TGIF1: variants seen among roughly 807,000 people sequenced by gnomAD.
The protein encoded by TGIF1 is homeobox protein TGIF1.
TGIF1 carries 4 observed loss-of-function variants against 19.3 expected under a neutral mutation model. That is an observed-to-expected ratio of 0.21 (90% CI 0.10 to 0.47). The LOEUF (loss-of-function observed/expected upper bound fraction) is 0.47, where lower values mean the gene tolerates loss of function less well. Ranked by LOEUF, TGIF1 falls within the 20% of genes least tolerant of loss-of-function variation. The pLI is 0.98. For missense variants in TGIF1, 275 were observed against 341.4 expected (o/e 0.81, Z 1.53); for synonymous variants, 122 against 129.3 (o/e 0.94, Z 0.38).
intron 2 of TGIF1, among the ~76,000 whole-genome samples, chr18:3,445,052 C>G (rs780731226): frequency 2.0e-5 from 3 of 152,182 alleles, no homozygotes; most frequent in Non-Finnish European, 4.4e-5. Context: ...ACTAAATATC[C>G]TACAATGCAC....
chr18:3,447,515 T>C, upstream of TGIF1: 1 of 623,476 alleles, frequency 1.6e-6, no homozygotes, highest in Admixed American at 2.6e-5. Flanking sequence ...AAGCCCACTT[T>C]TTTGAGGCTG....
At position 3,457,527 on chromosome 18, in the gene TGIF1, C is replaced by G; in HGVS notation, c.406C>G (p.Leu136Val). 1.2e-6 allele frequency: 2 copies of G among 1,614,200 alleles called. No individual in the cohort carries two copies. Among genetic ancestry groups the G allele is most frequent in the Non-Finnish European group, 1.7e-6 (2 of 1,180,048 alleles). ...GGGCATCAAAAACTTCATGCCAGCT[C>G]TAGAGGAGACCCCATTTCATTCCTG... Reference protein sequence around the residue: ...VMGIKNFMPALEETPFHSCTA... With the variant: ...VMGIKNFMPAVEETPFHSCTA... Residue 136 changes from leucine (L) to valine (V), a missense_variant, in exon 3 of 3, where the codon CTA becomes GTA. Coordinates refer to ENST00000343820, the MANE Select transcript of TGIF1 (RefSeq NM_003244.4). This position sits in a 1 kb window ranked among gnomAD's most constrained non-coding sequence, Gnocchi z 4.9.
At chr18:3,455,730 A>G (rs1309207554) in intron 1 of TGIF1, 2 of 156,780 alleles carry the variant, frequency 1.3e-5, no homozygotes, top group Non-Finnish European at 2.8e-5. Flanking sequence ...GTGGATAGCA[A>G]TGAATAAGAA....
At chr18:3,421,084 G>A (rs1225430517) in intron 2 of TGIF1, among the ~76,000 whole-genome samples, 4 of 151,996 alleles carry the variant, frequency 2.6e-5, no homozygotes, top group African/African-American at 9.7e-5. Context: ...GCCTTGTGAC[G>A]TCAAAGCTGT....
chr18:3,458,645 T>G lies in TGIF1; in HGVS notation c.*705T>G, dbSNP rs1465318958. On this transcript the variant is annotated 3_prime_UTR_variant, in exon 3 of 3. Coordinates refer to ENST00000343820, the MANE Select transcript of TGIF1 (RefSeq NM_003244.4). ...GCTTTACTTAAACTGCATGGCAAAT[T>G]GAAATGAATCATTTTAGTGTTTAGC... 6.5e-6 allele frequency: 1 copy of G among 153,084 alleles called. No homozygotes were observed. The highest frequency in any genetic ancestry group is 1.5e-5 in the Non-Finnish European group (1 of 68,756). 9.5% of individuals were successfully genotyped at this position (153,084 alleles called of 1,614,324 possible). A position where few individuals can be genotyped will look rare whatever the true frequency, so the allele number is the denominator to read the frequency against.
intron 2 of TGIF1, among the ~76,000 whole-genome samples, chr18:3,422,685 T>TG (rs1353688388): frequency 0.013 from 1,645 of 125,034 alleles, 126 homozygotes; most frequent in African/African-American, 0.045. Context: ...TTTTTTTTTT[T>TG]TTTTTTTTTT....
chr18:3,451,590 T>A lies in TGIF1; in HGVS notation c.16+1085T>A. ...CCGGGAGCCGCCTGGAGTTTGGAAC[T>A]CCACATTCTTTCAGACCCGGCCCGC... On this transcript the variant is annotated intron_variant, in intron 1 of 2. Coordinates refer to ENST00000343820, the MANE Select transcript of TGIF1 (RefSeq NM_003244.4). The surrounding 1 kb of genome is among the most constrained non-coding windows in gnomAD (Gnocchi z 5.4). 2.9e-6 allele frequency: 3 copies of A among 1,039,526 alleles called. No individual in the cohort carries two copies. The highest frequency in any genetic ancestry group is 3.5e-6 in the Non-Finnish European group (3 of 865,860). The allele number at this position is 1,039,526 out of a possible 1,614,324, so 64.4% of individuals were successfully genotyped here.
At chr18:3,416,653 G>A (rs1176320197) in intron 1 of TGIF1, among the ~76,000 whole-genome samples, 4 of 151,928 alleles carry the variant, frequency 2.6e-5, no homozygotes, top group Admixed American at 1.3e-4. Context: ...TAATAAGGCC[G>A]GGCTGGGTGG....
intron 2 of TGIF1, among the ~76,000 whole-genome samples, chr18:3,419,559 ATGTTGATCTTCTTTT>A (rs567024807): frequency 2.6e-5 from 4 of 152,240 alleles, no homozygotes; most frequent in East Asian, 1.9e-4. Flanking sequence ...AGTCTTTTTT[ATGTTGATCTTCTTTT>A]TGTTGATCTT....
In TGIF1 at chr18:3,459,761, A is replaced by C. The variant is rs2049463875; in HGVS notation, c.*1821A>C. On this transcript the variant is annotated 3_prime_UTR_variant, in exon 3 of 3. Transcript: ENST00000343820. Reference sequence around the variant, plus strand: ...AAAAGAAAAACTGTAAGTCACCTTAAATTCCCTATGTTTTACTTCATTTTT... The same window carrying C: ...AAAAGAAAAACTGTAAGTCACCTTACATTCCCTATGTTTTACTTCATTTTT... 6.6e-6 allele frequency: 1 copy of C among 152,204 alleles called. No individual in the cohort carries two copies. Among genetic ancestry groups the C allele is most frequent in the Non-Finnish European group, 1.5e-5 (1 of 68,036 alleles). The allele number at this position is 152,204 out of a possible 1,614,324, so 9.4% of individuals were successfully genotyped here.
In TGIF1 at chr18:3,427,879, C is replaced by T. The variant is rs752544359; in HGVS notation, c.-45+9664C>T. 2.0e-5 allele frequency among the ~76,000 whole-genome samples: 3 copies of T among 152,144 alleles called. No homozygotes were observed. The East Asian group carries it at 5.8e-4, about 29-fold the overall frequency. On this transcript the variant is annotated intron_variant, in intron 2 of 3. Transcript: ENST00000401449. ...CCTCCCAAAGGGATGGGATTATAGG[C>T]GTGAACCACCACACCCGGCCTCAGA...
upstream of TGIF1, among the ~76,000 whole-genome samples, chr18:3,447,340 A>T (rs1255935485): frequency 2.9e-4 from 13 of 45,148 alleles, no homozygotes; most frequent in Non-Finnish European, 5.7e-4. Flanking sequence ...TATATACTTT[A>T]AAAAAAAAAA....
In TGIF1 at chr18:3,451,155, G is replaced by A. The variant is rs1386794233; in HGVS notation, c.16+650G>A. On this transcript the variant is annotated intron_variant, in intron 1 of 2. Transcript: ENST00000343820. The surrounding 1 kb of genome is among the most constrained non-coding windows in gnomAD (Gnocchi z 5.4). Reference sequence around the variant, plus strand: ...TAAAAGTTTTCCCACGATGAATTTTGGGGCAGGAGGAAGAGTTAGCACCCA... The same window carrying A: ...TAAAAGTTTTCCCACGATGAATTTTAGGGCAGGAGGAAGAGTTAGCACCCA... Among the ~76,000 whole-genome samples, 1 of 152,186 alleles carries A rather than the reference G, an allele frequency of 6.6e-6. No individual in the cohort carries two copies. The highest frequency in any genetic ancestry group is 1.5e-5 in the Non-Finnish European group (1 of 68,042).
chr18:3,445,723 C>CAAAAAAAAAAAAAAAAAAAAAAAA (rs141550400), upstream of TGIF1, among the ~76,000 whole-genome samples: 1 of 17,698 alleles, frequency 5.7e-5, no homozygotes, highest in Non-Finnish European at 9.3e-5. Context: ...GACTCTGTCT[C>CAAAAAAAAAAAAAAAAAAAAAAAA]AAAAAAAAAA....
intron 2 of TGIF1, among the ~76,000 whole-genome samples, chr18:3,427,950 G>C (rs2082494937): frequency 6.6e-6 from 1 of 152,204 alleles, no homozygotes; most frequent in South Asian, 2.1e-4. Flanking sequence ...ACAATCTATG[G>C]CTGCCGTTCT....
At chr18:3,453,948 T>G in intron 1 of TGIF1, 1 of 589,696 alleles carries the variant, frequency 1.7e-6, no homozygotes, top group Non-Finnish European at 2.1e-6. Flanking sequence ...AGGAAAAAAG[T>G]CTTTGTTTTT....
Position 3,425,748 on chromosome 18 carries a change from A to G in TGIF1, c.-45+7533A>G, listed in dbSNP as rs200533051. On this transcript the variant is annotated intron_variant, in intron 2 of 3. Coordinates refer to the TGIF1 transcript ENST00000401449. ...ACCCCTAACCTCCAGGCATGCTGGG[A>G]TATTGATTTGGGTGATGACTGTCTC... Among the ~76,000 whole-genome samples, 437 of 152,090 alleles carry G rather than the reference A, an allele frequency of 2.9e-3. 2 individuals are homozygous for G. Among genetic ancestry groups the G allele is most frequent in the African/African-American group, 1.0e-2 (413 of 41,482 alleles).
intron 2 of TGIF1, among the ~76,000 whole-genome samples, chr18:3,434,588 G>A (rs575160129): frequency 3.9e-5 from 6 of 152,024 alleles, no homozygotes; most frequent in East Asian, 1.9e-4. Context: ...GGTGGCATGC[G>A]CCTGTAATCC....
intron 2 of TGIF1, among the ~76,000 whole-genome samples, chr18:3,430,030 C>T (rs1284530757): frequency 6.6e-6 from 1 of 152,166 alleles, no homozygotes; most frequent in Non-Finnish European, 1.5e-5. Flanking sequence ...GTGGTGGGCA[C>T]CTGTAATCCC....
Sources: allele counts gnomAD v4.1 joint callset (sites outside exome capture counted in the v4.1 genomes callset), GRCh38; gene constraint gnomAD v4.1.1; non-coding constraint Gnocchi (gnomAD v3.1); transcripts MANE v1.5; gene names NCBI Gene and HGNC (gene_info 2026-07-23, HGNC 2026-07-21).